The following ERC2 variants were observed in gnomAD, a reference collection of about 807,000 sequenced individuals.
The protein encoded by ERC2 is ERC protein 2.
A neutral mutation model predicts 114.8 loss-of-function variants in ERC2; 42 were observed. The observed-to-expected ratio is 0.37, with a 90% confidence interval of 0.29 to 0.47. The LOEUF (loss-of-function observed/expected upper bound fraction) is 0.47. Among genes scored for constraint, ERC2 ranks in the 20% least tolerant of loss-of-function variants. ERC2 has a pLI of 0.99. For synonymous variants in ERC2, 454 were observed against 425.5 expected, an observed-to-expected ratio of 1.07 and a Z score of -0.82; for missense variants, 939 against 1,150.7, an observed-to-expected ratio of 0.82 and a Z score of 2.66.
chr3:56,198,695 GCCTCTGA>G (rs1443042933), intron 3 of ERC2, among the ~76,000 whole-genome samples: 1 of 152,226 alleles, frequency 6.6e-6, no homozygotes, highest in Non-Finnish European at 1.5e-5. Context: ...TGTTTCTTAG[GCCTCTGA>G]CGTTCAGTCA....
chr3:55,989,291 G>A (rs1269538985), intron 11 of ERC2, among the ~76,000 whole-genome samples: 1 of 152,206 alleles, frequency 6.6e-6, no homozygotes, highest in Non-Finnish European at 1.5e-5. Flanking sequence ...ATAAAAATCT[G>A]AATATTCTTG....
At chr3:55,771,023 A>G (rs1460011835) in intron 14 of ERC2, among the ~76,000 whole-genome samples, 1 of 152,036 alleles carries the variant, frequency 6.6e-6, no homozygotes, top group Non-Finnish European at 1.5e-5. Context: ...TATGTGCCAC[A>G]TTTTCTTTAT....
At chr3:56,184,232 A>C (rs1179276685) in intron 3 of ERC2, among the ~76,000 whole-genome samples, 1 of 152,182 alleles carries the variant, frequency 6.6e-6, no homozygotes, top group Non-Finnish European at 1.5e-5. Context: ...ATATTTGGCC[A>C]GTTGTGTTAT....
chr3:55,960,563 A>G (rs74842059), intron 12 of ERC2, among the ~76,000 whole-genome samples: 5,151 of 152,212 alleles, frequency 0.034, 168 homozygotes, highest in African/African-American at 0.084. Flanking sequence ...GCACTCGGCC[A>G]ATTTGTAAGC....
intron 14 of ERC2, among the ~76,000 whole-genome samples, chr3:55,845,162 G>A (rs1231572108): frequency 1.3e-5 from 2 of 152,108 alleles, no homozygotes; most frequent in African/African-American, 4.8e-5. Context: ...AACAGGACAT[G>A]GATCAGTATT....
intron 14 of ERC2, among the ~76,000 whole-genome samples, chr3:55,779,610 A>G (rs141025615): frequency 9.2e-5 from 14 of 152,286 alleles, no homozygotes; most frequent in African/African-American, 3.4e-4. Flanking sequence ...ACTTGTGACT[A>G]TGATATAAAA....
At chr3:56,072,449 T>C (rs1043861580) in intron 7 of ERC2, 3 of 152,190 alleles carry the variant, frequency 2.0e-5, no homozygotes, top group South Asian at 2.1e-4. Flanking sequence ...CTGTGTAATA[T>C]ATTAAGTTAG....
At chr3:56,035,599 T>C (rs917137035) in intron 7 of ERC2, among the ~76,000 whole-genome samples, 3 of 152,172 alleles carry the variant, frequency 2.0e-5, no homozygotes, top group Non-Finnish European at 4.4e-5. Context: ...TAAAAGGGCT[T>C]GACAGAGGGA....
rs1487430981 is a variant in ERC2, at chr3:56,439,641, T to A, written c.-140-4494A>T. Among the ~76,000 whole-genome samples, 4 of 152,344 alleles carry A rather than the reference T, an allele frequency of 2.6e-5. No individual in the cohort carries two copies. The East Asian group carries it at 5.8e-4, about 22-fold the overall frequency. On this transcript the variant is annotated intron_variant, in intron 1 of 17. Coordinates refer to ENST00000288221, the MANE Select transcript of ERC2 (RefSeq NM_015576.3). The stretch of plus-strand genomic sequence containing the variant: ...TGCTTTGTATAACTTTTCTTTAAAA[T>A]TTTTTAAATGATATAGCTTTTGGTT...
Position 55,734,833 on chromosome 3 carries a change from G to T in ERC2, c.2650C>A (p.Gln884Lys), listed in dbSNP as rs775123969. 6.2e-7 allele frequency: 1 copy of T among 1,613,000 alleles called. No individual in the cohort carries two copies. Among genetic ancestry groups the T allele is most frequent in the Non-Finnish European group, 8.5e-7 (1 of 1,179,476 alleles). The part of the protein sequence containing the change: ...ELSASKKKKT[Q>K]EEVMALKREK... Reference sequence around the variant, plus strand: ...CGCTTGAGGGCCATGACTTCTTCCTGCGTCTTTTTCTTTTTGGAGGCAGAC... The same window carrying T: ...CGCTTGAGGGCCATGACTTCTTCCTTCGTCTTTTTCTTTTTGGAGGCAGAC... Residue 884 changes from glutamine (Q) to lysine (K), a missense_variant, in exon 15 of 18, where the codon CAG (glutamine) becomes AAG (lysine). By Grantham distance (53) the Gln-to-Lys change is moderately conservative. Coordinates refer to ENST00000288221, the MANE Select transcript of ERC2 (RefSeq NM_015576.3).
intron 6 of ERC2, among the ~76,000 whole-genome samples, chr3:56,108,165 A>G (rs2078769785): frequency 6.6e-6 from 1 of 152,204 alleles, no homozygotes; most frequent in Non-Finnish European, 1.5e-5. Flanking sequence ...AATTGATATT[A>G]AAGTATTATT....
intron 14 of ERC2, among the ~76,000 whole-genome samples, chr3:55,887,369 A>G (rs1268525862): frequency 6.6e-6 from 1 of 152,122 alleles, no homozygotes; most frequent in East Asian, 1.9e-4. Context: ...AATATTTTCC[A>G]TGATCTAAGC....
chr3:56,059,977 T>C (rs2076180160), intron 7 of ERC2, among the ~76,000 whole-genome samples: 1 of 152,254 alleles, frequency 6.6e-6, no homozygotes, highest in South Asian at 2.1e-4. Flanking sequence ...TCTACAAATG[T>C]GTCTGTTCTC....
chr3:56,461,014 T>G (rs1265671191), intron 1 of ERC2, among the ~76,000 whole-genome samples: 2 of 142,762 alleles, frequency 1.4e-5, no homozygotes, highest in Non-Finnish European at 3.2e-5. Context: ...TTTTTTTTTT[T>G]AAAGAACAGT....
In ERC2 at chr3:55,679,766, T is replaced by C. The variant is rs2148765498; in HGVS notation, c.*39+4028A>G. On this transcript the variant is annotated intron_variant, in intron 17 of 17. Transcript: ENST00000288221. ...GGCGGTGTGAAAGAAAACCTGCACT[T>C]TGCATAGAAACCACCACTTTGTATA... Among the ~76,000 whole-genome samples, 2 of 152,340 alleles carry C rather than the reference T, an allele frequency of 1.3e-5. 1 individual carries two copies. Among genetic ancestry groups the C allele is most frequent in the South Asian group, 4.2e-4 (2 of 4,818 alleles).
intron 14 of ERC2, among the ~76,000 whole-genome samples, chr3:55,752,393 A>C (rs997241879): frequency 2.0e-5 from 3 of 152,210 alleles, no homozygotes; most frequent in African/African-American, 7.2e-5. Context: ...CCATGGTAGA[A>C]GTATTTACAC....
At chr3:56,029,526 T>A (rs147580049) in intron 7 of ERC2, among the ~76,000 whole-genome samples, 128 of 152,272 alleles carry the variant, frequency 8.4e-4, no homozygotes, top group Middle Eastern at 3.4e-3. Context: ...GACTATTCAG[T>A]CATCTATTTC....
intron 14 of ERC2, among the ~76,000 whole-genome samples, chr3:55,767,064 A>G (rs1210659419): frequency 6.6e-6 from 1 of 152,230 alleles, no homozygotes; most frequent in Non-Finnish European, 1.5e-5. Flanking sequence ...TGTAACGGGC[A>G]TCAGTGATAA....
intron 3 of ERC2, among the ~76,000 whole-genome samples, chr3:56,187,118 G>A (rs1159147908): frequency 1.3e-5 from 2 of 152,146 alleles, no homozygotes; most frequent in African/African-American, 4.8e-5. Context: ...AAGCTATGCT[G>A]TAGTCTGTTC....
Sources: gnomAD v4.1 joint callset for allele counts (sites outside exome capture counted in the v4.1 genomes callset) on GRCh38, gnomAD v4.1.1 for gene constraint, MANE v1.5 for transcripts, NCBI Gene and HGNC (gene_info 2026-07-23, HGNC 2026-07-21) for gene names.